The following NSUN7 variants were observed in gnomAD, a reference collection of about 807,000 sequenced individuals.
NSUN7 encodes NOP2/Sun RNA methyltransferase family member 7.
In NSUN7, 39 loss-of-function variants were observed where a neutral mutation model predicts 58.5. The ratio of observed to expected loss-of-function variants is 0.67; its 90% CI spans 0.52 to 0.87. The LOEUF (loss-of-function observed/expected upper bound fraction) is 0.87, where lower values mean the gene tolerates loss of function less well. Among genes scored for constraint, NSUN7 ranks in the 40% least tolerant of loss-of-function variants. The pLI, the probability that NSUN7 is intolerant of heterozygous loss-of-function variation, is 0.00. For synonymous variants in NSUN7, 278 were observed against 303.7 expected, an observed-to-expected ratio of 0.92 and a Z score of 0.88; for missense variants, 765 against 844.1, an observed-to-expected ratio of 0.91 and a Z score of 1.16.
intron 8 of NSUN7, among the ~76,000 whole-genome samples, chr4:40,792,508 T>G (rs987323946): frequency 9.9e-5 from 15 of 152,098 alleles, no homozygotes; most frequent in African/African-American, 2.7e-4. Flanking sequence ...TCCCAGCACT[T>G]TGGGAGGCCG....
intron 10 of NSUN7, among the ~76,000 whole-genome samples, chr4:40,806,526 T>G (rs1743813365): frequency 1.3e-5 from 2 of 152,320 alleles, no homozygotes; most frequent in South Asian, 4.1e-4. Context: ...CACAAAGTCT[T>G]TGTTATGTAC....
Position 40,750,592 on chromosome 4 carries a change from T to A in NSUN7, c.-91-11T>A, listed in dbSNP as rs985646884. On this transcript the variant is annotated splice_polypyrimidine_tract_variant and intron_variant, in intron 1 of 11. Coordinates refer to ENST00000381782, the MANE Select transcript of NSUN7 (RefSeq NM_024677.6). ...AGAGTGATTTACTGCAATCACCTTC[T>A]CTCTTCACAGAGACCATGCTGCAGA... is the stretch of plus-strand genomic sequence containing the variant. 1.4e-6 allele frequency: 2 copies of A among 1,382,340 alleles called. No individual in the cohort carries two copies. Among genetic ancestry groups the A allele is most frequent in the African/African-American group, 2.9e-5 (2 of 69,812 alleles). The allele number at this position is 1,382,340 out of a possible 1,614,324, so 85.6% of individuals were successfully genotyped here. A position where few individuals can be genotyped will look rare whatever the true frequency, so the allele number is the denominator to read the frequency against.
chr4:40,794,132 G>A (rs887807883), intron 8 of NSUN7, among the ~76,000 whole-genome samples: 3 of 151,822 alleles, frequency 2.0e-5, no homozygotes, highest in Non-Finnish European at 2.9e-5. Context: ...ATAGCAACTT[G>A]GAGAAAAACA....
Position 40,750,993 on chromosome 4 carries a change from T to A in NSUN7, c.298+2T>A. On this transcript the variant is annotated splice_donor_variant, in intron 2 of 11. Transcript: ENST00000381782. LOFTEE classifies it high-confidence loss of function. ...AGCTGGCTTTCAGTGCCCTGAAATG[T>A]GAGTTGTGCCAGTCTGGAAGATCAA... 1 of 1,612,496 alleles carries A rather than the reference T, an allele frequency of 6.2e-7. No individual in the cohort carries two copies. Among genetic ancestry groups the A allele is most frequent in the Non-Finnish European group, 8.5e-7 (1 of 1,178,696 alleles).
intron 10 of NSUN7, among the ~76,000 whole-genome samples, chr4:40,799,731 A>G (rs1743498823): frequency 6.6e-6 from 1 of 152,146 alleles, no homozygotes; most frequent in African/African-American, 2.4e-5. Context: ...TTACCTAGGG[A>G]ATTATACCAA....
At chr4:40,806,518 C>G (rs1361198744) in intron 10 of NSUN7, among the ~76,000 whole-genome samples, 1 of 152,108 alleles carries the variant, frequency 6.6e-6, no homozygotes, top group Non-Finnish European at 1.5e-5. Flanking sequence ...TTTTCTGACA[C>G]AAAGTCTTTG....
rs754365230 is a variant in NSUN7 at position 40,760,461 on chromosome 4, T to C, written c.326T>C (p.Ile109Thr). 4 of 1,610,146 alleles carry C rather than the reference T, an allele frequency of 2.5e-6. No individual in the cohort carries two copies. Among genetic ancestry groups the C allele is most frequent in the South Asian group, 1.1e-5 (1 of 90,432 alleles). Reference protein sequence around the residue: ...KYQDILETILIDSCIFPSTTI... With the variant: ...KYQDILETILTDSCIFPSTTI... ...CAAGATATTTTGGAAACTATATTGA[T>C]AGACAGCTGTATCTTCCCAAGTACC... is the stretch of plus-strand genomic sequence containing the variant. Residue 109 changes from isoleucine to threonine, a missense_variant, in exon 3 of 12, where the codon ATA becomes ACA. Physicochemically the swap from Ile to Thr is moderately conservative, Grantham distance 89. Coordinates refer to ENST00000381782, the MANE Select transcript of NSUN7 (RefSeq NM_024677.6).
At chr4:40,778,953 A>G (rs1742396260) in intron 7 of NSUN7, among the ~76,000 whole-genome samples, 1 of 152,214 alleles carries the variant, frequency 6.6e-6, no homozygotes, top group East Asian at 1.9e-4. Context: ...TAAAATAAAG[A>G]TATTCTCAGA....
intron 7 of NSUN7, among the ~76,000 whole-genome samples, chr4:40,778,145 G>A (rs977245518): frequency 6.6e-6 from 1 of 152,110 alleles, no homozygotes; most frequent in African/African-American, 2.4e-5. Flanking sequence ...TAAGCATGGG[G>A]AGACAAAGGA....
chr4:40,795,475 T>A (rs533020118), intron 9 of NSUN7, among the ~76,000 whole-genome samples: 1 of 152,362 alleles, frequency 6.6e-6, no homozygotes, highest in South Asian at 2.1e-4. Context: ...TGAAGCATTT[T>A]AATTAAATTT....
chr4:40,782,601 C>T (rs968613273), intron 7 of NSUN7, among the ~76,000 whole-genome samples: 2 of 151,412 alleles, frequency 1.3e-5, no homozygotes, highest in African/African-American at 4.9e-5. Context: ...GGTGCAGTGG[C>T]TCACATCCGT....
At position 40,802,783 on chromosome 4, in the gene NSUN7, CTT is replaced by C. The variant is rs34373539; in HGVS notation, c.1400+3895_1400+3896del. 1.1e-3 allele frequency among the ~76,000 whole-genome samples: 159 copies of C among 138,840 alleles called. 1 individual carries two copies. Among genetic ancestry groups the C allele is most frequent in the East Asian group, 1.3e-3 (6 of 4,670 alleles). The allele number at this position is 138,840 out of a possible 152,430, so 91.1% of individuals were successfully genotyped here. ...CTGACACTTTGTACTGCATTCTATT[CTT>C]TTTTTTTTTTTTTTTAATTAAACTT... On this transcript the variant is annotated intron_variant, in intron 10 of 11. Transcript: ENST00000381782.
chr4:40,785,501 A>G (rs1411246804), intron 7 of NSUN7, among the ~76,000 whole-genome samples: 1 of 152,146 alleles, frequency 6.6e-6, no homozygotes, highest in Non-Finnish European at 1.5e-5. Context: ...TTGGGATTAC[A>G]GGCACGTGCC....
At chr4:40,770,942 T>G (rs6816981) in intron 4 of NSUN7, among the ~76,000 whole-genome samples, 72,550 of 151,794 alleles carry the variant, frequency 0.48, 17,559 homozygotes, top group Admixed American at 0.6. Context: ...TCCCAGCTAC[T>G]TGGGAGGCTG....
chr4:40,798,249 C>A (rs1743407294), intron 9 of NSUN7, among the ~76,000 whole-genome samples: 1 of 152,106 alleles, frequency 6.6e-6, no homozygotes, highest in Non-Finnish European at 1.5e-5. Context: ...TTATTGTATC[C>A]CAAAGCCTAG....
chr4:40,764,465 A>C (rs1477224132), intron 4 of NSUN7, among the ~76,000 whole-genome samples: 1 of 151,240 alleles, frequency 6.6e-6, no homozygotes, highest in South Asian at 2.1e-4. Flanking sequence ...ACATTTTCTT[A>C]ATCCAGTCTA....
chr4:40,797,168 T>G (rs1346231513), intron 9 of NSUN7, among the ~76,000 whole-genome samples: 1 of 152,154 alleles, frequency 6.6e-6, no homozygotes, highest in Non-Finnish European at 1.5e-5. Context: ...CTTCTCTGTC[T>G]CCCTTACTGG....
In NSUN7 at chr4:40,810,097, T is replaced by A. The variant is rs1291361173; in HGVS notation, c.*1158T>A. ...AAATGTTACATAAATTCCTAAATGC[T>A]CAATTCAGGTGGCATGATTTTTAGA... On this transcript the variant is annotated 3_prime_UTR_variant, in exon 12 of 12. Coordinates refer to ENST00000381782, the MANE Select transcript of NSUN7 (RefSeq NM_024677.6). The A allele has an allele frequency of 6.6e-6, 1 of 152,244 alleles. No homozygotes were observed. The highest frequency in any genetic ancestry group is 1.5e-5 in the Non-Finnish European group (1 of 68,040). 9.4% of individuals were successfully genotyped at this position (152,244 alleles called of 1,614,324 possible). A position where few individuals can be genotyped will look rare whatever the true frequency, so the allele number is the denominator to read the frequency against.
intron 10 of NSUN7, among the ~76,000 whole-genome samples, chr4:40,800,825 GA>G (rs1186395375): frequency 1.3e-5 from 2 of 152,030 alleles, no homozygotes; most frequent in African/African-American, 2.4e-5. Context: ...TTGATTTATG[GA>G]AAAATGCTAA....
Sources: gnomAD v4.1 joint callset for allele counts (sites outside exome capture counted in the v4.1 genomes callset) on GRCh38, gnomAD v4.1.1 for gene constraint, MANE v1.5 for transcripts, NCBI Gene and HGNC (gene_info 2026-07-23, HGNC 2026-07-21) for gene names.